The following SUPT3H variants were observed in gnomAD, a reference collection of about 807,000 sequenced individuals.
The protein encoded by SUPT3H is SPT3 homolog, SAGA and STAGA complex component.
In SUPT3H, 44 loss-of-function variants were observed where a neutral mutation model predicts 44.3. The ratio of observed to expected loss-of-function variants is 0.99; its 90% CI spans 0.78 to 1.28. SUPT3H has a LOEUF of 1.28. Among genes scored for constraint, SUPT3H ranks in the 50% most tolerant of loss-of-function variants. SUPT3H has a pLI of 0.00. For missense variants in SUPT3H, 380 were observed against 387.1 expected, an observed-to-expected ratio of 0.98 and a Z score of 0.15; for synonymous variants, 124 against 125.6, an observed-to-expected ratio of 0.99 and a Z score of 0.09.
At chr6:44,980,277 T>G (rs1226251288) in intron 6 of SUPT3H, among the ~76,000 whole-genome samples, 1 of 150,920 alleles carries the variant, frequency 6.6e-6, no homozygotes, top group Non-Finnish European at 1.5e-5. Flanking sequence ...TGACAGTAAG[T>G]CCTCACTTCA....
chr6:44,942,720 A>G (rs796649582), intron 9 of SUPT3H, among the ~76,000 whole-genome samples: 9 of 152,258 alleles, frequency 5.9e-5, no homozygotes, highest in African/African-American at 2.2e-4. Flanking sequence ...GCCGTCACGT[A>G]TGGCTTTCCG....
intron 2 of SUPT3H, among the ~76,000 whole-genome samples, chr6:45,203,706 C>T (rs1373479341): frequency 1.3e-5 from 2 of 152,178 alleles, no homozygotes; most frequent in Non-Finnish European, 2.9e-5. Flanking sequence ...TTGTACCTCT[C>T]CAGCCTCATG....
intron 2 of SUPT3H, among the ~76,000 whole-genome samples, chr6:45,214,451 G>A (rs1425751103): frequency 1.3e-5 from 2 of 151,818 alleles, no homozygotes; most frequent in South Asian, 2.1e-4. Flanking sequence ...AATACAGAAA[G>A]GAAAGAAATA....
intron 2 of SUPT3H, among the ~76,000 whole-genome samples, chr6:45,152,932 T>A (rs531930877): frequency 6.6e-6 from 1 of 152,216 alleles, no homozygotes; most frequent in Non-Finnish European, 1.5e-5. Context: ...CATCTATATA[T>A]ACCTTCTACC....
chr6:45,003,660 C>A lies in SUPT3H; in HGVS notation c.497G>T (p.Arg166Ile). 1.2e-6 allele frequency: 2 copies of A among 1,613,404 alleles called. No homozygotes were observed. Among genetic ancestry groups the A allele is most frequent in the Non-Finnish European group, 1.7e-6 (2 of 1,179,676 alleles). The change falls in exon 6 of 11, where the codon AGA (arginine) becomes ATA (isoleucine). Residue 166 changes from arginine (R) to isoleucine (I), a missense_variant. Arg to Ile is a moderately conservative substitution (Grantham distance 97). Transcript: ENST00000371459. The part of the protein sequence containing the change: ...DDEIDEVKQE[R>I]MERAERQTRI... ...GGGAAGAATGTACTATACCTCCATT[C>A]TTTCTTGTTTAACTTCATCAATTTC...
At chr6:44,964,766 G>A (rs1177665345) in intron 6 of SUPT3H, among the ~76,000 whole-genome samples, 1 of 152,118 alleles carries the variant, frequency 6.6e-6, no homozygotes, top group Non-Finnish European at 1.5e-5. Context: ...CCAGTGCCTA[G>A]CACACAGGAA....
rs568503014 is a variant in SUPT3H, at chr6:44,953,319, G to A, written c.792C>T (p.Asn264=). 1.2e-6 allele frequency: 2 copies of A among 1,613,800 alleles called. No individual in the cohort carries two copies. The highest frequency in any genetic ancestry group is 1.7e-5 in the Admixed American group (1 of 60,026). Residue 264 remains asparagine (N), a synonymous_variant, in exon 9 of 11, where the codon AAC becomes AAT. Coordinates refer to ENST00000371459, the MANE Select transcript of SUPT3H (RefSeq NM_003599.4). ...AISATFIQYH[N]SAESTAACGV... ...TTTTTTTTGTACTTACCTCAGCAGA[G>A]TTGTGATACTGAATGAAGGTTGCAG... is the stretch of plus-strand genomic sequence containing the variant.
At chr6:44,939,673 C>T (rs560263765) in intron 9 of SUPT3H, among the ~76,000 whole-genome samples, 15 of 152,070 alleles carry the variant, frequency 9.9e-5, no homozygotes, top group African/African-American at 3.4e-4. Context: ...GCTGTGAATC[C>T]ATCTGGTCCT....
intron 10 of SUPT3H, among the ~76,000 whole-genome samples, chr6:44,847,914 A>G (rs974962155): frequency 1.4e-5 from 2 of 141,322 alleles, no homozygotes. Context: ...TTTACCATTC[A>G]TTACAGAAAT....
intron 5 of SUPT3H, among the ~76,000 whole-genome samples, chr6:45,012,492 T>C (rs1783637585): frequency 6.6e-6 from 1 of 152,120 alleles, no homozygotes; most frequent in Non-Finnish European, 1.5e-5. Context: ...CTCCGTAATT[T>C]CTATTTTTTA....
At chr6:45,284,419 C>T (rs891969015) in intron 2 of SUPT3H, among the ~76,000 whole-genome samples, 1 of 152,164 alleles carries the variant, frequency 6.6e-6, no homozygotes, top group African/African-American at 2.4e-5. Context: ...GATATCACCA[C>T]TGATCCCACA....
intron 2 of SUPT3H, among the ~76,000 whole-genome samples, chr6:45,341,021 T>C (rs1284277008): frequency 2.0e-5 from 3 of 152,190 alleles, no homozygotes; most frequent in African/African-American, 7.2e-5. Flanking sequence ...AAATTCTAAT[T>C]CATTTGATAT....
intron 2 of SUPT3H, among the ~76,000 whole-genome samples, chr6:45,221,756 T>G (rs1182834329): frequency 1.3e-5 from 2 of 152,174 alleles, no homozygotes; most frequent in Non-Finnish European, 2.9e-5. Context: ...AGTGCTTTTC[T>G]CACTTCATGG....
chr6:44,961,678 T>G (rs1335637568), intron 7 of SUPT3H, 75 bp downstream of exon 7: 7 of 1,178,416 alleles, frequency 5.9e-6, no homozygotes, highest in African/African-American at 1.5e-5. Flanking sequence ...AAGAAACAGA[T>G]CCTGTCATAC....
At chr6:44,842,835 C>T (rs1401076059) in intron 10 of SUPT3H, among the ~76,000 whole-genome samples, 1 of 151,688 alleles carries the variant, frequency 6.6e-6, no homozygotes, top group African/African-American at 2.4e-5. Flanking sequence ...TACATGCTCA[C>T]ATCAGAATGA....
At chr6:45,099,128 A>T in intron 3 of SUPT3H, 1 of 331,364 alleles carries the variant, frequency 3.0e-6, no homozygotes. Flanking sequence ...CACACCCCCA[A>T]CCCCAGGATT....
intron 6 of SUPT3H, among the ~76,000 whole-genome samples, chr6:45,003,124 G>T (rs1168974632): frequency 6.6e-6 from 1 of 152,076 alleles, no homozygotes; most frequent in African/African-American, 2.4e-5. Context: ...CAAATGCATT[G>T]TTAAGACATA....
chr6:45,069,630 G>GAGTTTTAAA, intron 3 of SUPT3H, among the ~76,000 whole-genome samples: 1 of 152,094 alleles, frequency 6.6e-6, no homozygotes, highest in Non-Finnish European at 1.5e-5. Flanking sequence ...TTCCTGTGAA[G>GAGTTTTAAA]AGTTTTAAAA....
At chr6:45,061,446 G>A (rs923207073) in intron 3 of SUPT3H, among the ~76,000 whole-genome samples, 1 of 152,084 alleles carries the variant, frequency 6.6e-6, no homozygotes, top group African/African-American at 2.4e-5. Flanking sequence ...CCTTTTAGAG[G>A]GGGCAGGGAG....
Sources: allele counts gnomAD v4.1 joint callset (sites outside exome capture counted in the v4.1 genomes callset), GRCh38; gene constraint gnomAD v4.1.1; transcripts MANE v1.5; gene names NCBI Gene and HGNC (gene_info 2026-07-23, HGNC 2026-07-21).